ZNF536: variants seen among roughly 807,000 people sequenced by gnomAD.
The protein encoded by ZNF536 is zinc finger protein 536.
Under a neutral mutation model 84.5 loss-of-function variants are expected in ZNF536, and 13 were observed. That is an observed-to-expected ratio of 0.15 (90% CI 0.10 to 0.24). The LOEUF (loss-of-function observed/expected upper bound fraction) is 0.24, where lower values mean the gene tolerates loss of function less well. Among genes scored for constraint, ZNF536 ranks in the 10% least tolerant of loss-of-function variants. ZNF536 has a pLI of 1.00. For synonymous variants in ZNF536, 811 were observed against 742.5 expected, an observed-to-expected ratio of 1.09 and a Z score of -1.50; for missense variants, 1,536 against 1,747.5, an observed-to-expected ratio of 0.88 and a Z score of 2.16.
chr19:30,445,692 C>G lies in ZNF536; in HGVS notation c.2130C>G (p.Ala710=), dbSNP rs2148235269. Residue 710 remains alanine, a synonymous_variant, in exon 2 of 5, where the codon GCC becomes GCG. Transcript: ENST00000355537. This position sits in a 1 kb window ranked among gnomAD's most constrained non-coding sequence, Gnocchi z 4.5. ...GCGGCCTCTCCCAGACCGGGAGTGC[C>G]CAGGAGGACAGCCCGCACCCCTCCT... ...VGGGLSQTGS[A]QEDSPHPSSP... 1 of 1,595,140 alleles carries G rather than the reference C, an allele frequency of 6.3e-7. No homozygotes were observed. Among genetic ancestry groups the G allele is most frequent in the Non-Finnish European group, 8.5e-7 (1 of 1,169,826 alleles).
chr19:30,561,804 A>C (rs2046179192), downstream of ZNF536, among the ~76,000 whole-genome samples: 1 of 152,202 alleles, frequency 6.6e-6, no homozygotes, highest in Non-Finnish European at 1.5e-5. Context: ...AGTGAGAGAA[A>C]GCCCTCAGGC....
intron 2 of ZNF536, among the ~76,000 whole-genome samples, chr19:30,472,815 G>A (rs893518503): frequency 1.3e-5 from 2 of 152,110 alleles, no homozygotes; most frequent in African/African-American, 4.8e-5. Context: ...AATGGTCTAT[G>A]TTGTCCAATG....
intron 1 of ZNF536, among the ~76,000 whole-genome samples, chr19:30,688,982 C>T (rs1339156412): frequency 6.6e-6 from 1 of 152,224 alleles, no homozygotes; most frequent in African/African-American, 2.4e-5. Flanking sequence ...TATTTATGGC[C>T]ATAGCCTTTG....
chr19:30,313,119 G>A (rs2046561351), intron 2 of ZNF536, among the ~76,000 whole-genome samples: 1 of 152,252 alleles, frequency 6.6e-6, no homozygotes, highest in Non-Finnish European at 1.5e-5. Flanking sequence ...GGCCGTGGCA[G>A]ACACAGAGCC....
At chr19:30,227,956 C>A (rs1429072097), upstream of ZNF536, among the ~76,000 whole-genome samples, 1 of 151,962 alleles carries the variant, frequency 6.6e-6, no homozygotes, top group African/African-American at 2.4e-5. Context: ...CTGGTGTCCC[C>A]GGCGAGTTGG....
In ZNF536 at chr19:30,534,861, G is replaced by T. The variant is rs780816091; in HGVS notation, c.2185G>T (p.Ala729Ser). ...SPSSSDIGEEAGRSAGVQQPA... is the reference protein window; with the variant it reads ...SPSSSDIGEESGRSAGVQQPA... ...CTTCGCTGCAGACATTGGCGAGGAG[G>T]CTGGGAGATCTGCCGGCGTCCAGCA... is the stretch of plus-strand genomic sequence containing the variant. The change falls in exon 3 of 5, where the codon GCT (alanine) becomes TCT (serine). Residue 729 changes from alanine (A) to serine (S), a missense_variant. Physicochemically the swap from Ala to Ser is moderately conservative, Grantham distance 99. Coordinates refer to ENST00000355537, the MANE Select transcript of ZNF536 (RefSeq NM_014717.3). 6.2e-7 allele frequency: 1 copy of T among 1,612,918 alleles called. No homozygotes were observed. Among genetic ancestry groups the T allele is most frequent in the East Asian group, 2.2e-5 (1 of 44,856 alleles).
intron 1 of ZNF536, among the ~76,000 whole-genome samples, chr19:30,572,959 G>A (rs762226530): frequency 2.0e-5 from 3 of 152,130 alleles, no homozygotes; most frequent in Non-Finnish European, 4.4e-5. Flanking sequence ...AGACATGTGA[G>A]TTAAGCCACC....
In ZNF536 at chr19:30,425,294, G is replaced by C. The variant is rs533642504; in HGVS notation, c.-2-18267G>C. Among the ~76,000 whole-genome samples the C allele has an allele frequency of 4.6e-5, 7 of 152,128 alleles. No homozygotes were observed. The South Asian group carries it at 1.2e-3, about 27-fold the overall frequency. On this transcript the variant is annotated intron_variant, in intron 1 of 4. Coordinates refer to ENST00000355537, the MANE Select transcript of ZNF536 (RefSeq NM_014717.3). ...TAGTGTGATCATGGGCAGGGAGAAG[G>C]CTGGAAGGGCAGAGGAGTAACCGAG...
Position 30,444,930 on chromosome 19 carries a change from C to T in ZNF536, c.1368C>T (p.Gly456=), listed in dbSNP as rs756832106. 1.9e-6 allele frequency: 3 copies of T among 1,611,098 alleles called. No individual in the cohort carries two copies. The highest frequency in any genetic ancestry group is 2.2e-5 in the East Asian group (1 of 44,850). ...LSEPSQLYGK[G]ELPMKEKEAL... is the part of the protein sequence containing the mutation. Reference sequence around the variant, plus strand: ...AGCCCAGCCAGCTCTATGGCAAGGGCGAGCTGCCCATGAAGGAGAAGGAAG... The same window carrying T: ...AGCCCAGCCAGCTCTATGGCAAGGGTGAGCTGCCCATGAAGGAGAAGGAAG... Residue 456 remains glycine, a synonymous_variant, in exon 2 of 5, where the codon GGC becomes GGT. Transcript: ENST00000355537.
intron 2 of ZNF536, among the ~76,000 whole-genome samples, chr19:30,474,313 T>TTCTC (rs66795970): frequency 2.1e-4 from 32 of 150,050 alleles, no homozygotes; most frequent in East Asian, 1.2e-3. Flanking sequence ...TAAACCCTCT[T>TTCTC]TCTCTCTCTC....
intron 1 of ZNF536, among the ~76,000 whole-genome samples, chr19:30,273,732 A>G (rs1458061695): frequency 6.6e-6 from 1 of 152,232 alleles, no homozygotes; most frequent in Non-Finnish European, 1.5e-5. Flanking sequence ...ACTTGTGGAA[A>G]CTAAGCTACT....
At position 30,549,604 on chromosome 19, in the gene ZNF536, G is replaced by A. The variant is rs989814196; in HGVS notation, c.3895+90G>A. Reference sequence around the variant, plus strand: ...AAAAAAATGAGGTAGACTTATCCATGAGCAACTTTTGAATGAAATATTTGA... The same window carrying A: ...AAAAAAATGAGGTAGACTTATCCATAAGCAACTTTTGAATGAAATATTTGA... On this transcript the variant is annotated intron_variant, in intron 4 of 4. Transcript: ENST00000355537. 6 of 1,367,780 alleles carry A rather than the reference G, an allele frequency of 4.4e-6. No individual in the cohort carries two copies. The African/African-American group carries it at 8.7e-5, about 20-fold the overall frequency. 84.7% of individuals were successfully genotyped at this position (1,367,780 alleles called of 1,614,324 possible).
At chr19:30,522,626 T>G (rs555918171) in intron 2 of ZNF536, among the ~76,000 whole-genome samples, 1 of 152,104 alleles carries the variant, frequency 6.6e-6, no homozygotes, top group South Asian at 2.1e-4. Flanking sequence ...CTAATAGGCA[T>G]GCTTTTCAGA....
At chr19:30,473,226 A>G (rs1003181615) in intron 2 of ZNF536, among the ~76,000 whole-genome samples, 2 of 151,760 alleles carry the variant, frequency 1.3e-5, no homozygotes, top group South Asian at 4.2e-4. Flanking sequence ...TAGTAATAAT[A>G]ATAATAATAA....
intron 1 of ZNF536, among the ~76,000 whole-genome samples, chr19:30,652,503 G>A (rs1336878980): frequency 6.6e-6 from 1 of 152,154 alleles, no homozygotes; most frequent in African/African-American, 2.4e-5. Context: ...GACGAGGCCT[G>A]GGGATCTGGG....
chr19:30,418,068 T>G (rs1417767518), intron 1 of ZNF536, among the ~76,000 whole-genome samples: 2 of 152,106 alleles, frequency 1.3e-5, no homozygotes, highest in Non-Finnish European at 2.9e-5. Flanking sequence ...TTGATATAAG[T>G]ATATTTTCAT....
chr19:30,615,308 G>A (rs1003944016), intron 1 of ZNF536, among the ~76,000 whole-genome samples: 1 of 152,068 alleles, frequency 6.6e-6, no homozygotes, highest in Non-Finnish European at 1.5e-5. Flanking sequence ...GTGAATTAGG[G>A]TTCCAGTTTT....
Position 30,665,944 on chromosome 19 carries a change from T to A in ZNF536, c.170-44813T>A, listed in dbSNP as rs1295337796. ...ATGGACAGGTGATTCCTGGTGTGTC[T>A]GGGATTCCTGTGGTGGCCCCTTTTG... On this transcript the variant is annotated intron_variant, in intron 1 of 1. Transcript: ENST00000592773. Among the ~76,000 whole-genome samples, 3 of 152,152 alleles carry A rather than the reference T, an allele frequency of 2.0e-5. No individual in the cohort carries two copies. The East Asian group carries it at 5.8e-4, about 29-fold the overall frequency.
At chr19:30,611,973 C>A (rs754481501) in intron 1 of ZNF536, among the ~76,000 whole-genome samples, 1 of 152,126 alleles carries the variant, frequency 6.6e-6, no homozygotes, top group Admixed American at 6.5e-5. Flanking sequence ...GTGCACGGAT[C>A]TTTTGCTGTT....
Sources: gnomAD v4.1 joint callset for allele counts (sites outside exome capture counted in the v4.1 genomes callset) on GRCh38, gnomAD v4.1.1 for gene constraint, Gnocchi (gnomAD v3.1) non-coding constraint, MANE v1.5 for transcripts, NCBI Gene and HGNC (gene_info 2026-07-23, HGNC 2026-07-21) for gene names.